The following GNG12 variants were observed in gnomAD, a reference collection of about 807,000 sequenced individuals.
GNG12 encodes guanine nucleotide-binding protein G(I)/G(S)/G(O) subunit gamma-12.
For synonymous variants in GNG12, 28 were observed against 29.7 expected, an observed-to-expected ratio of 0.94 and a Z score of 0.19; for missense variants, 69 against 83.8, an observed-to-expected ratio of 0.82 and a Z score of 0.69.
At position 67,703,051 on chromosome 1, in the gene GNG12, C is replaced by A. The variant is rs1646224699; in HGVS notation, c.*2400G>T. ...CTTCTGCATATCATATATATGTATA[C>A]ATATATTTTCTCACATAGACGTCTA... On this transcript the variant is annotated 3_prime_UTR_variant, in exon 4 of 4. Transcript: ENST00000370982. The A allele has an allele frequency of 2.0e-5, 3 of 152,228 alleles. No homozygotes were observed. The East Asian group carries it at 5.8e-4, about 29-fold the overall frequency. 9.4% of individuals were successfully genotyped at this position (152,228 alleles called of 1,614,324 possible).
intron 1 of GNG12, among the ~76,000 whole-genome samples, chr1:67,797,649 T>TA (rs777160996): frequency 9.2e-5 from 14 of 152,168 alleles, no homozygotes; most frequent in Non-Finnish European, 1.9e-4. Context: ...TCCCAACTTA[T>TA]TTCACTCAAA....
At chr1:67,801,175 C>T (rs959034054) in intron 1 of GNG12, among the ~76,000 whole-genome samples, 12 of 152,300 alleles carry the variant, frequency 7.9e-5, no homozygotes, top group Admixed American at 2.0e-4. Flanking sequence ...AATTACCTGT[C>T]GCTTCCTCAA....
At chr1:67,770,998 T>A (rs955187342) in intron 2 of GNG12, among the ~76,000 whole-genome samples, 1 of 151,652 alleles carries the variant, frequency 6.6e-6, no homozygotes, top group African/African-American at 2.4e-5. Context: ...AGAGAGTGAG[T>A]GAGAGACAGA....
chr1:67,744,155 T>A lies in GNG12; in HGVS notation c.-27+33303A>T, dbSNP rs139639527. On this transcript the variant is annotated intron_variant, in intron 2 of 3. Transcript: ENST00000370982. ...TCATTTAATCTTCACACTAACCCTA[T>A]GAGGGGGTACTTCTATCATTCCCAC... 2.7e-3 allele frequency among the ~76,000 whole-genome samples: 412 copies of A among 152,306 alleles called. 1 individual carries two copies. Among genetic ancestry groups the A allele is most frequent in the East Asian group, 7.1e-3 (37 of 5,184 alleles).
chr1:67,747,420 C>G (rs968097812), intron 2 of GNG12, among the ~76,000 whole-genome samples: 11 of 152,112 alleles, frequency 7.2e-5, no homozygotes, highest in African/African-American at 1.2e-4. Flanking sequence ...GCGCCTAGCC[C>G]ATAAAAAATC....
chr1:67,794,089 C>A (rs967892475), intron 1 of GNG12, among the ~76,000 whole-genome samples: 3 of 152,168 alleles, frequency 2.0e-5, no homozygotes, highest in Admixed American at 2.0e-4. Flanking sequence ...AATCCTGAAT[C>A]CCTTAACCCA....
intron 2 of GNG12, among the ~76,000 whole-genome samples, chr1:67,728,927 T>G (rs1183712261): frequency 2.0e-5 from 3 of 152,124 alleles, no homozygotes; most frequent in Non-Finnish European, 2.9e-5. Flanking sequence ...CAAAGAGAAA[T>G]ACACAGAAAA....
chr1:67,757,784 GCTTT>G (rs1375087413), intron 2 of GNG12, among the ~76,000 whole-genome samples: 1 of 152,196 alleles, frequency 6.6e-6, no homozygotes, highest in Non-Finnish European at 1.5e-5. Context: ...GAAAAGCACT[GCTTT>G]CTTTGAGAAG....
chr1:67,723,165 T>A (rs1646365575), intron 2 of GNG12, among the ~76,000 whole-genome samples: 2 of 152,196 alleles, frequency 1.3e-5, no homozygotes, highest in African/African-American at 4.8e-5. Context: ...TAAGAATGAA[T>A]AAGACTCCAT....
At chr1:67,731,116 C>T (rs1646416482) in intron 2 of GNG12, among the ~76,000 whole-genome samples, 1 of 151,820 alleles carries the variant, frequency 6.6e-6, no homozygotes, top group South Asian at 2.1e-4. Context: ...TTTATTTTTT[C>T]CCCCCAGAAA....
intron 1 of GNG12, among the ~76,000 whole-genome samples, chr1:67,780,146 T>G (rs965431672): frequency 6.6e-6 from 1 of 152,200 alleles, no homozygotes; most frequent in Non-Finnish European, 1.5e-5. Context: ...TGGTTTTTTA[T>G]GTGCTAGGCA....
intron 1 of GNG12, among the ~76,000 whole-genome samples, chr1:67,815,471 G>C (rs868618276): frequency 6.6e-6 from 1 of 152,100 alleles, no homozygotes; most frequent in Non-Finnish European, 1.5e-5. Flanking sequence ...CATGAAACAC[G>C]ACTTGCCAGG....
At chr1:67,771,426 T>C (rs1026257030) in intron 2 of GNG12, among the ~76,000 whole-genome samples, 1 of 152,234 alleles carries the variant, frequency 6.6e-6, no homozygotes, top group Non-Finnish European at 1.5e-5. Context: ...GAACCTGTAT[T>C]CAACCTCAAG....
At chr1:67,825,724 C>T (rs1415406969) in intron 1 of GNG12, among the ~76,000 whole-genome samples, 1 of 152,214 alleles carries the variant, frequency 6.6e-6, no homozygotes, top group African/African-American at 2.4e-5. Context: ...AGGAAAAAGG[C>T]CTACGGCTGG....
chr1:67,711,341 T>C (rs190702959), intron 2 of GNG12, among the ~76,000 whole-genome samples: 489 of 152,006 alleles, frequency 3.2e-3, no homozygotes, highest in Admixed American at 4.5e-3. Flanking sequence ...TATTTAATTA[T>C]GTATGTACAC....
chr1:67,826,155 G>A (rs914342198), intron 1 of GNG12, among the ~76,000 whole-genome samples: 2 of 152,166 alleles, frequency 1.3e-5, no homozygotes, highest in Admixed American at 1.3e-4. Context: ...CCAGCTGATG[G>A]CATCTAGAGG....
intron 1 of GNG12, among the ~76,000 whole-genome samples, chr1:67,795,371 C>A (rs140002252): frequency 9.9e-5 from 15 of 152,194 alleles, no homozygotes; most frequent in African/African-American, 2.2e-4. Context: ...TTCAACCGCA[C>A]GCACCTTGCC....
Position 67,705,264 on chromosome 1 carries a change from A to G in GNG12, c.*187T>C, listed in dbSNP as rs548359378. On this transcript the variant is annotated 3_prime_UTR_variant, in exon 4 of 4. Transcript: ENST00000370982. Reference sequence around the variant, plus strand: ...AAAATAAGATTGTTATTCTGTATTAAATCAGTAAAGGGTATTTTAAGAGAA... The same window carrying G: ...AAAATAAGATTGTTATTCTGTATTAGATCAGTAAAGGGTATTTTAAGAGAA... 1 of 793,984 alleles carries G rather than the reference A, an allele frequency of 1.3e-6. No individual in the cohort carries two copies. The highest frequency in any genetic ancestry group is 1.8e-5 in the African/African-American group (1 of 56,886). The allele number at this position is 793,984 out of a possible 1,614,324, so 49.2% of individuals were successfully genotyped here. A position where few individuals can be genotyped will look rare whatever the true frequency, so the allele number is the denominator to read the frequency against.
intron 2 of GNG12, among the ~76,000 whole-genome samples, chr1:67,735,097 C>T (rs1423557600): frequency 6.6e-6 from 1 of 152,104 alleles, no homozygotes; most frequent in Non-Finnish European, 1.5e-5. Flanking sequence ...CTCAGGTGAT[C>T]CACCCTCCTT....
Sources: gnomAD v4.1 joint callset for allele counts (sites outside exome capture counted in the v4.1 genomes callset) on GRCh38, gnomAD v4.1.1 for gene constraint, MANE v1.5 for transcripts, NCBI Gene and HGNC (gene_info 2026-07-23, HGNC 2026-07-21) for gene names.